CCDC93: variants seen among roughly 807,000 people sequenced by gnomAD.
CCDC93 encodes CCC complex scaffolding subunit CCDC93, also known as coiled-coil domain-containing protein 93.
A neutral mutation model predicts 108.2 loss-of-function variants in CCDC93; 61 were observed. The ratio of observed to expected loss-of-function variants is 0.56; its 90% CI spans 0.46 to 0.70. The LOEUF (loss-of-function observed/expected upper bound fraction) is 0.70. CCDC93 is among the 30% of genes least tolerant of loss of function. The pLI, the probability that CCDC93 is intolerant of heterozygous loss-of-function variation, is 0.00. For missense variants in CCDC93, 685 were observed against 764.2 expected, an observed-to-expected ratio of 0.90 and a Z score of 1.22; for synonymous variants, 276 against 260.4, an observed-to-expected ratio of 1.06 and a Z score of -0.58.
intron 23 of CCDC93, among the ~76,000 whole-genome samples, chr2:117,929,111 G>C (rs1678231512): frequency 1.3e-5 from 2 of 151,872 alleles, no homozygotes; most frequent in Non-Finnish European, 2.9e-5. Flanking sequence ...GGCCTGTTGT[G>C]GGGTGGGGGG....
At chr2:117,940,013 G>C (rs1678648832) in intron 19 of CCDC93, among the ~76,000 whole-genome samples, 1 of 152,148 alleles carries the variant, frequency 6.6e-6, no homozygotes, top group Admixed American at 6.6e-5. Flanking sequence ...ACAGCTTTTA[G>C]AGTAAAATGA....
At chr2:117,998,801 T>C (rs946710618) in intron 4 of CCDC93, 10 of 152,216 alleles carry the variant, frequency 6.6e-5, no homozygotes, top group East Asian at 5.8e-4. Context: ...TTTGATGATA[T>C]TGGAGGTTTC....
At chr2:117,949,283 TCATCA>T in intron 14 of CCDC93, 34 bp downstream of exon 14, 1 of 1,414,804 alleles carries the variant, frequency 7.1e-7, no homozygotes, top group Non-Finnish European at 1.0e-6. Context: ...AAAGTCACTT[TCATCA>T]AAGCAAAAAT....
chr2:117,973,820 C>A, intron 11 of CCDC93, 88 bp downstream of exon 11: 1 of 961,072 alleles, frequency 1.0e-6, no homozygotes, highest in Non-Finnish European at 1.6e-6. Flanking sequence ...GAACACGGGG[C>A]ACTGCTGGGG....
chr2:117,978,172 C>G, intron 7 of CCDC93, 142 bp from the exon 8 acceptor site: 2 of 722,408 alleles, frequency 2.8e-6, no homozygotes, highest in Non-Finnish European at 4.8e-6. Context: ...TTACAAGTGC[C>G]TAAATTACAA....
intron 23 of CCDC93, 26 bp from the exon 24 acceptor site, chr2:117,920,422 G>A (rs1386313260): frequency 1.3e-5 from 20 of 1,577,572 alleles, no homozygotes; most frequent in Non-Finnish European, 1.7e-5. Flanking sequence ...AGAGTATAGA[G>A]AGAGTGGTGA....
intron 13 of CCDC93, chr2:117,951,326 G>GTCT: frequency 1.0e-6 from 1 of 985,346 alleles, no homozygotes; most frequent in South Asian, 4.7e-5. Context: ...CAAGGCAGGC[G>GTCT]TCTTTATGAA....
At chr2:117,958,740 T>A (rs1381234293) in intron 11 of CCDC93, among the ~76,000 whole-genome samples, 1 of 152,170 alleles carries the variant, frequency 6.6e-6, no homozygotes, top group Non-Finnish European at 1.5e-5. Context: ...TGTGGTTATG[T>A]CAATATCATA....
At chr2:117,939,407 G>A (rs552980676) in intron 19 of CCDC93, among the ~76,000 whole-genome samples, 31 of 152,270 alleles carry the variant, frequency 2.0e-4, no homozygotes, top group African/African-American at 6.7e-4. Flanking sequence ...GAACTGGGTG[G>A]GGGTTGTAGA....
intron 6 of CCDC93, among the ~76,000 whole-genome samples, chr2:117,993,416 G>C (rs975340854): frequency 2.1e-5 from 3 of 141,536 alleles, no homozygotes; most frequent in African/African-American, 7.7e-5. Context: ...AAAAATTAAT[G>C]TTTGAATGTG....
intron 12 of CCDC93, 90 bp from the exon 13 acceptor site, chr2:117,952,525 G>C (rs1679090147): frequency 9.9e-7 from 1 of 1,007,288 alleles, no homozygotes; most frequent in Non-Finnish European, 1.6e-6. Flanking sequence ...TGAAAGCTCA[G>C]AAAGATTTAA....
At chr2:118,007,870 C>T (rs1338503334) in intron 2 of CCDC93, among the ~76,000 whole-genome samples, 2 of 152,218 alleles carry the variant, frequency 1.3e-5, no homozygotes, top group East Asian at 1.9e-4. Context: ...ACTGTGACCC[C>T]GTGGAGCACT....
intron 23 of CCDC93, 165 bp downstream of exon 23, chr2:117,930,872 T>G: frequency 1.9e-6 from 1 of 531,040 alleles, no homozygotes; most frequent in Non-Finnish European, 3.3e-6. Context: ...AAACGCAATC[T>G]TCAGCTACCT....
At chr2:117,949,750 ATAG>A in intron 13 of CCDC93, 1 of 985,364 alleles carries the variant, frequency 1.0e-6, no homozygotes, top group Non-Finnish European at 1.2e-6. Context: ...CTAGTTGAAA[ATAG>A]TAGACTAAGC....
At chr2:117,942,250 C>T (rs1161474589) in intron 18 of CCDC93, among the ~76,000 whole-genome samples, 1 of 152,172 alleles carries the variant, frequency 6.6e-6, no homozygotes, top group East Asian at 1.9e-4. Flanking sequence ...GCATCTGTAA[C>T]TTTTCACTGG....
intron 6 of CCDC93, among the ~76,000 whole-genome samples, chr2:117,989,723 C>T (rs776266942): frequency 7.9e-5 from 12 of 152,006 alleles, no homozygotes; most frequent in South Asian, 2.1e-4. Flanking sequence ...AGAGCTGTTA[C>T]GAAAATAAAC....
chr2:117,924,489 C>A (rs1678005416), intron 23 of CCDC93, among the ~76,000 whole-genome samples: 1 of 152,192 alleles, frequency 6.6e-6, no homozygotes, highest in Non-Finnish European at 1.5e-5. Context: ...AATGCACAAG[C>A]CTCAGTAGCC....
intron 4 of CCDC93, chr2:117,997,244 C>T (rs1192999523): frequency 6.6e-6 from 1 of 152,188 alleles, no homozygotes; most frequent in Admixed American, 6.5e-5. Flanking sequence ...TGCAGAAGAT[C>T]CACCCGCCCT....
At chr2:117,976,340 A>G (rs1324582165) in intron 8 of CCDC93, among the ~76,000 whole-genome samples, 1 of 152,198 alleles carries the variant, frequency 6.6e-6, no homozygotes, top group African/African-American at 2.4e-5. Context: ...CTTAAATTAC[A>G]TATCAAATTA....
Sources: allele counts gnomAD v4.1 joint callset (sites outside exome capture counted in the v4.1 genomes callset), GRCh38; gene constraint gnomAD v4.1.1; transcripts MANE v1.5; gene names NCBI Gene and HGNC (gene_info 2026-07-23, HGNC 2026-07-21).